ANP32A: variants seen among roughly 807,000 people sequenced by gnomAD.
ANP32A encodes the protein acidic nuclear phosphoprotein 32 family member A, also known as acidic leucine-rich nuclear phosphoprotein 32 family member A.
Under a neutral mutation model 33.9 loss-of-function variants are expected in ANP32A, and 1 was observed. The ratio of observed to expected loss-of-function variants is 0.03; its 90% CI spans 0.01 to 0.14. ANP32A has a LOEUF of 0.14. Ranked by LOEUF, ANP32A falls within the 10% of genes least tolerant of loss-of-function variation. The pLI is 1.00. For synonymous variants in ANP32A, 115 were observed against 120.5 expected, an observed-to-expected ratio of 0.95 and a Z score of 0.30; for missense variants, 155 against 306.0, an observed-to-expected ratio of 0.51 and a Z score of 3.68.
At position 68,780,013 on chromosome 15, in the gene ANP32A, G is replaced by GT. The variant is rs1039741916; in HGVS notation, c.*67_*68insA. The GT allele has an allele frequency of 3.5e-6, 5 of 1,424,398 alleles. No homozygotes were observed. The highest frequency in any genetic ancestry group is 3.7e-5 in the Admixed American group (2 of 54,134). The allele number at this position is 1,424,398 out of a possible 1,614,324, so 88.2% of individuals were successfully genotyped here. On this transcript the variant is annotated 3_prime_UTR_variant, in exon 7 of 7. Coordinates refer to ENST00000465139, the MANE Select transcript of ANP32A (RefSeq NM_006305.4). The surrounding 1 kb of genome is among the most constrained non-coding windows in gnomAD (Gnocchi z 4.3). Reference sequence around the variant, plus strand: ...TTTCAGGGGGCAGGATTGGAGGGGGGGGGGAGAGGGGATATGGGTAAAAAC... The same window carrying GT: ...TTTCAGGGGGCAGGATTGGAGGGGGGTGGGGAGAGGGGATATGGGTAAAAAC...
intron 5 of ANP32A, 183 bp downstream of exon 5, chr15:68,782,773 C>T: frequency 1.8e-6 from 2 of 1,132,272 alleles, no homozygotes; most frequent in Non-Finnish European, 2.4e-6. Context: ...CCAGAGCTTA[C>T]TGCAAGTCTT....
At chr15:68,804,715 A>G (rs917596166) in intron 1 of ANP32A, among the ~76,000 whole-genome samples, 2 of 151,870 alleles carry the variant, frequency 1.3e-5, no homozygotes, top group African/African-American at 2.4e-5. Flanking sequence ...GGGTTTCACC[A>G]TGTTGGCCAG....
rs988852354 is a variant in ANP32A at position 68,794,002 on chromosome 15, C to T, written c.55-6083G>A. ...AGGAAAGGTGGACAGAAGGCAGGCTCTCGAGTCCGAGAGAACTGGCTCAAG... is the reference window on the plus strand; with the variant it reads ...AGGAAAGGTGGACAGAAGGCAGGCTTTCGAGTCCGAGAGAACTGGCTCAAG... On this transcript the variant is annotated intron_variant, in intron 1 of 6. Transcript: ENST00000465139. Among the ~76,000 whole-genome samples, 4 of 152,300 alleles carry T rather than the reference C, an allele frequency of 2.6e-5. 1 individual carries two copies.
chr15:68,800,466 C>G (rs982331790), intron 1 of ANP32A, among the ~76,000 whole-genome samples: 2 of 151,248 alleles, frequency 1.3e-5, no homozygotes, highest in Non-Finnish European at 2.9e-5. Context: ...AGAAAGGCAC[C>G]GGGCGCGGTG....
chr15:68,786,033 T>C (rs1893927751), intron 3 of ANP32A, among the ~76,000 whole-genome samples: 1 of 152,126 alleles, frequency 6.6e-6, no homozygotes, highest in African/African-American at 2.4e-5. Flanking sequence ...GGAAAAGAAA[T>C]GCCAGTGTCC....
chr15:68,789,211 C>G (rs1893970395), intron 1 of ANP32A: 1 of 152,748 alleles, frequency 6.5e-6, no homozygotes. Flanking sequence ...CACAGCAGCC[C>G]AAGCTCCCTG....
At chr15:68,815,686 A>G (rs926138140) in intron 1 of ANP32A, among the ~76,000 whole-genome samples, 2 of 152,184 alleles carry the variant, frequency 1.3e-5, no homozygotes, top group African/African-American at 4.8e-5. Context: ...CATGGACCCA[A>G]TGGACTATCC....
At chr15:68,793,963 T>C (rs1329044807) in intron 1 of ANP32A, among the ~76,000 whole-genome samples, 2 of 152,184 alleles carry the variant, frequency 1.3e-5, no homozygotes, top group Non-Finnish European at 2.9e-5. Context: ...TTTCTAGTAC[T>C]TCCTGAGGCA....
chr15:68,807,849 C>T (rs1894257404), intron 1 of ANP32A, among the ~76,000 whole-genome samples: 2 of 152,184 alleles, frequency 1.3e-5, no homozygotes, highest in South Asian at 4.1e-4. Context: ...GGCCCCCGCC[C>T]TTTTACAAAA....
rs1340951431 is a variant in ANP32A, at chr15:68,780,612, A to G, written c.625-139T>C. ...ACCAAGACTTGACATCTCGGGAGGAATGTAAAGCAGAGGTTCTTAATTTAT... is the reference window on the plus strand; with the variant it reads ...ACCAAGACTTGACATCTCGGGAGGAGTGTAAAGCAGAGGTTCTTAATTTAT... On this transcript the variant is annotated intron_variant, in intron 5 of 6. Transcript: ENST00000465139. The surrounding 1 kb of genome is among the most constrained non-coding windows in gnomAD (Gnocchi z 4.3). 2.9e-6 allele frequency: 4 copies of G among 1,403,040 alleles called. No homozygotes were observed. Among genetic ancestry groups the G allele is most frequent in the Non-Finnish European group, 1.9e-6 (2 of 1,061,254 alleles). The allele number at this position is 1,403,040 out of a possible 1,614,324, so 86.9% of individuals were successfully genotyped here. A position where few individuals can be genotyped will look rare whatever the true frequency, so the allele number is the denominator to read the frequency against.
At chr15:68,794,058 C>T (rs1894032225) in intron 1 of ANP32A, among the ~76,000 whole-genome samples, 1 of 152,184 alleles carries the variant, frequency 6.6e-6, no homozygotes, top group African/African-American at 2.4e-5. Context: ...GCCCAGCTTA[C>T]CTTTCTGAGC....
At chr15:68,802,461 A>G (rs370442185) in intron 1 of ANP32A, among the ~76,000 whole-genome samples, 34 of 152,290 alleles carry the variant, frequency 2.2e-4, no homozygotes, top group African/African-American at 7.9e-4. Context: ...ATAGTGTGTC[A>G]TCATTTTTCT....
intron 1 of ANP32A, among the ~76,000 whole-genome samples, chr15:68,811,063 GAA>G (rs34026847): frequency 5.1e-5 from 6 of 118,000 alleles, no homozygotes; most frequent in African/African-American, 1.7e-4. Context: ...CTCTGTCTGG[GAA>G]AAAAAAAAAA....
At position 68,779,834 on chromosome 15, in the gene ANP32A, A is replaced by C; in HGVS notation, c.*247T>G. On this transcript the variant is annotated 3_prime_UTR_variant, in exon 7 of 7. Transcript: ENST00000465139. ...AGCTATCGCATTTACAGGGACAAAAACCGGACACAAAGAAAAAGTAGGGGA... is the reference window on the plus strand; with the variant it reads ...AGCTATCGCATTTACAGGGACAAAACCCGGACACAAAGAAAAAGTAGGGGA... The C allele has an allele frequency of 1.9e-6, 1 of 514,292 alleles. No individual in the cohort carries two copies. Among genetic ancestry groups the C allele is most frequent in the South Asian group, 2.7e-5 (1 of 37,544 alleles). The allele number at this position is 514,292 out of a possible 1,614,324, so 31.9% of individuals were successfully genotyped here.
intron 1 of ANP32A, among the ~76,000 whole-genome samples, chr15:68,819,458 G>A (rs1596078721): frequency 6.6e-6 from 1 of 152,216 alleles, no homozygotes; most frequent in Non-Finnish European, 1.5e-5. Context: ...CTCCGGCCGT[G>A]CTCCCGCCGC....
In ANP32A at chr15:68,780,661, A is replaced by T; in HGVS notation, c.625-188T>A. ...ATTTCAGATCAAGGACTCATTGGGA[A>T]ATCTGCAGAAAGCTTTGAACTCCTT... On this transcript the variant is annotated intron_variant, in intron 5 of 6. Coordinates refer to ENST00000465139, the MANE Select transcript of ANP32A (RefSeq NM_006305.4). The surrounding 1 kb of genome is among the most constrained non-coding windows in gnomAD (Gnocchi z 4.3). The T allele has an allele frequency of 1.0e-6, 1 of 956,540 alleles. No individual in the cohort carries two copies. The highest frequency in any genetic ancestry group is 1.7e-5 in the African/African-American group (1 of 60,516). The allele number at this position is 956,540 out of a possible 1,614,324, so 59.3% of individuals were successfully genotyped here.
chr15:68,820,892 C>T lies in ANP32A; in HGVS notation c.-141G>A. Reference sequence around the variant, plus strand: ...TCGAGCCCCCAGCACCCGCGGCGCACACTAACCTGATCGCCGTGGAGGCGG... The same window carrying T: ...TCGAGCCCCCAGCACCCGCGGCGCATACTAACCTGATCGCCGTGGAGGCGG... On this transcript the variant is annotated 5_prime_UTR_variant, in exon 1 of 7. The change creates a new upstream start codon in the 5' untranslated region. Transcript: ENST00000465139. 9.9e-7 allele frequency: 1 copy of T among 1,007,118 alleles called. No homozygotes were observed. Among genetic ancestry groups the T allele is most frequent in the East Asian group, 2.6e-5 (1 of 38,190 alleles). The allele number at this position is 1,007,118 out of a possible 1,614,324, so 62.4% of individuals were successfully genotyped here.
At chr15:68,810,119 G>A (rs1044624637) in intron 1 of ANP32A, among the ~76,000 whole-genome samples, 1 of 152,208 alleles carries the variant, frequency 6.6e-6, no homozygotes, top group Admixed American at 6.5e-5. Flanking sequence ...AGGAATGAGA[G>A]GCAGCCAGGG....
chr15:68,782,643 A>C, intron 5 of ANP32A: 1 of 347,870 alleles, frequency 2.9e-6, no homozygotes, highest in Non-Finnish European at 5.4e-6. Flanking sequence ...ATGAAAGCAA[A>C]AAGCAGAAAA....
Sources: allele counts gnomAD v4.1 joint callset (sites outside exome capture counted in the v4.1 genomes callset), GRCh38; gene constraint gnomAD v4.1.1; non-coding constraint Gnocchi (gnomAD v3.1); transcripts MANE v1.5; gene names NCBI Gene and HGNC (gene_info 2026-07-23, HGNC 2026-07-21).